Variants in WDR5B observed in about 807,000 individuals in gnomAD.
The protein encoded by WDR5B is WD repeat domain 5B.
WDR5B carries 17 observed loss-of-function variants against 24.0 expected under a neutral mutation model. The observed-to-expected ratio is 0.71, with a 90% CI of 0.49 to 1.06. WDR5B has a LOEUF of 1.06. Among genes scored for constraint, WDR5B ranks in the 50% least tolerant of loss-of-function variants. The pLI is 0.00. For synonymous variants in WDR5B, 150 were observed against 146.4 expected, an observed-to-expected ratio of 1.02 and a Z score of -0.18; for missense variants, 368 against 384.1, an observed-to-expected ratio of 0.96 and a Z score of 0.35.
rs768746667 is a variant in WDR5B, at chr3:122,415,478, TGAG to T, written c.48_50del (p.Ser18del). ...GCACTTCCTTGCTCTGATTGGCCGA[TGAG>T]GAGAGGGCCAACTGTGCTTTGGCGT... On this transcript the variant is annotated inframe_deletion, in exon 1 of 1. Coordinates refer to ENST00000330689, the MANE Select transcript of WDR5B (RefSeq NM_019069.4). 9 of 1,614,148 alleles carry T rather than the reference TGAG, an allele frequency of 5.6e-6. No homozygotes were observed. The highest frequency in any genetic ancestry group is 2.2e-5 in the South Asian group (2 of 91,078).
At position 122,415,290 on chromosome 3, in the gene WDR5B, TAG is replaced by T. The variant is rs2075728876; in HGVS notation, c.237_238del (p.Tyr80TrpfsTer3). ...ATCCGATATTTCCAAATTATGACCA[TAG>T]AGTGTTTTCTCATATTTTCCATCAT... On this transcript the variant is annotated frameshift_variant, in exon 1 of 1. Transcript: ENST00000330689. LOFTEE classifies it high-confidence loss of function. 1.5e-5 allele frequency: 25 copies of T among 1,614,246 alleles called. No homozygotes were observed. In the East Asian group the frequency reaches 5.6e-4, roughly 36 times the overall value.
chr3:122,414,918 G>GT lies in WDR5B; in HGVS notation c.610dup (p.Thr204AsnfsTer4). On this transcript the variant is annotated frameshift_variant, in exon 1 of 1. Coordinates refer to ENST00000330689, the MANE Select transcript of WDR5B (RefSeq NM_019069.4). LOFTEE classifies it high-confidence loss of function. ...AGGAGGGTTATCGTCATCAACGAGC[G>GT]TTTTTAAACACTGACCTGATGCAGC... 6.2e-7 allele frequency: 1 copy of GT among 1,614,148 alleles called. No individual in the cohort carries two copies. Among genetic ancestry groups the GT allele is most frequent in the Non-Finnish European group, 8.5e-7 (1 of 1,180,022 alleles).
At position 122,414,773 on chromosome 3, in the gene WDR5B, C is replaced by G. The variant is rs1284130646; in HGVS notation, c.756G>C (p.Lys252Asn). 3 of 1,614,170 alleles carry G rather than the reference C, an allele frequency of 1.9e-6. No homozygotes were observed. Among genetic ancestry groups the G allele is most frequent in the Non-Finnish European group, 1.7e-6 (2 of 1,180,040 alleles). The change falls in exon 1 of 1, where the codon AAG becomes AAC. Residue 252 changes from lysine to asparagine, a missense_variant. Coordinates refer to ENST00000330689, the MANE Select transcript of WDR5B (RefSeq NM_019069.4). Reference protein sequence around the residue: ...GRCLKTYTGHKNEKYCIFANF... With the variant: ...GRCLKTYTGHNNEKYCIFANF... Reference sequence around the variant, plus strand: ...TGGCAAATATGCAATATTTCTCATTCTTATGACCAGTGTATGTTTTCAGGC... The same window carrying G: ...TGGCAAATATGCAATATTTCTCATTGTTATGACCAGTGTATGTTTTCAGGC...
rs1473545023 is a variant in WDR5B at position 122,415,603 on chromosome 3, T to C, written c.-75A>G. 46 of 1,506,708 alleles carry C rather than the reference T, an allele frequency of 3.1e-5. 1 individual carries two copies. In the East Asian group the frequency reaches 1.0e-3, roughly 34 times the overall value. The allele number at this position is 1,506,708 out of a possible 1,614,324, so 93.3% of individuals were successfully genotyped here. On this transcript the variant is annotated 5_prime_UTR_variant, in exon 1 of 1. Coordinates refer to ENST00000330689, the MANE Select transcript of WDR5B (RefSeq NM_019069.4). ...CAGGCAGTCCAGTACTTTGGCTTTC[T>C]GCCCAGCAAAATGAAGATAAACGCA...
chr3:122,414,209 G>T lies in WDR5B; in HGVS notation c.*327C>A. ...CAAAGGTGGGAGTGGGGTGAGAGAT[G>T]GGAAAGTATTTACTAGGTACAATGT... On this transcript the variant is annotated 3_prime_UTR_variant, in exon 1 of 1. Transcript: ENST00000330689. 1 of 284,558 alleles carries T rather than the reference G, an allele frequency of 3.5e-6. No individual in the cohort carries two copies. The allele number at this position is 284,558 out of a possible 1,614,324, so 17.6% of individuals were successfully genotyped here.
chr3:122,414,170 G>C lies in WDR5B; in HGVS notation c.*366C>G, dbSNP rs2075719547. The C allele has an allele frequency of 4.7e-6, 1 of 213,602 alleles. No individual in the cohort carries two copies. Among genetic ancestry groups the C allele is most frequent in the Non-Finnish European group, 9.4e-6 (1 of 106,888 alleles). The allele number at this position is 213,602 out of a possible 1,614,324, so 13.2% of individuals were successfully genotyped here. A position where few individuals can be genotyped will look rare whatever the true frequency, so the allele number is the denominator to read the frequency against. ...CCTGGACGTGGAGAGCAGAATCATA[G>C]ACACTAGAGCCTTCAAAGGTGGGAG... On this transcript the variant is annotated 3_prime_UTR_variant, in exon 1 of 1. Transcript: ENST00000330689.
In WDR5B at chr3:122,414,913, C is replaced by A; in HGVS notation, c.616G>T (p.Val206Phe). ...AASGQCLKTLVDDDNPPVSFV... is the reference protein window; with the variant it reads ...AASGQCLKTLFDDDNPPVSFV... ...GAGACAGGAGGGTTATCGTCATCAA[C>A]GAGCGTTTTTAAACACTGACCTGAT... Residue 206 changes from valine (V) to phenylalanine (F), a missense_variant, in exon 1 of 1, where the codon GTT (valine) becomes TTT (phenylalanine). Val to Phe is a conservative substitution (Grantham distance 50). Transcript: ENST00000330689. 6.2e-7 allele frequency: 1 copy of A among 1,614,180 alleles called. No individual in the cohort carries two copies. Among genetic ancestry groups the A allele is most frequent in the East Asian group, 2.2e-5 (1 of 44,886 alleles).
In WDR5B at chr3:122,415,521, G is replaced by A. The variant is rs763919457; in HGVS notation, c.8C>T (p.Thr3Ile). The A allele has an allele frequency of 5.0e-6, 8 of 1,610,048 alleles. No homozygotes were observed. The South Asian group carries it at 7.7e-5, about 16-fold the overall frequency. Residue 3 changes from threonine to isoleucine, a missense_variant, in exon 1 of 1, where the codon ACC becomes ATC. Physicochemically the swap from Thr to Ile is moderately conservative, Grantham distance 89. Transcript: ENST00000330689. ...TGCTTTGGCGTCTCTTGACTCCTTGGTTGCCATGGCTCTGAAGCTCCAAGT... is the reference window on the plus strand; with the variant it reads ...TGCTTTGGCGTCTCTTGACTCCTTGATTGCCATGGCTCTGAAGCTCCAAGT... MA[T>I]KESRDAKAQL...
Position 122,414,981 on chromosome 3 carries a change from A to G in WDR5B, c.548T>C (p.Val183Ala). The change falls in exon 1 of 1, where the codon GTG becomes GCG. Residue 183 changes from valine to alanine, a missense_variant. Val to Ala is a moderately conservative substitution (Grantham distance 64). Coordinates refer to ENST00000330689, the MANE Select transcript of WDR5B (RefSeq NM_019069.4). ...ACAGAGGCCATCATAGCTACCTGAC[A>G]CTATCAAGGACCCACTACAATTAAA... ...VHFNCSGSLI[V>A]SGSYDGLCRI... 6.2e-7 allele frequency: 1 copy of G among 1,614,210 alleles called. No individual in the cohort carries two copies. The highest frequency in any genetic ancestry group is 8.5e-7 in the Non-Finnish European group (1 of 1,180,028).
rs1195098271 is a variant in WDR5B at position 122,412,849 on chromosome 3, C to T, written c.*1687G>A. The T allele has an allele frequency of 2.0e-5, 3 of 152,116 alleles. No individual in the cohort carries two copies. Among genetic ancestry groups the T allele is most frequent in the Admixed American group, 6.6e-5 (1 of 15,266 alleles). The allele number at this position is 152,116 out of a possible 1,614,324, so 9.4% of individuals were successfully genotyped here. On this transcript the variant is annotated 3_prime_UTR_variant, in exon 1 of 1. Coordinates refer to ENST00000330689, the MANE Select transcript of WDR5B (RefSeq NM_019069.4). ...ACTCTTAGAATGAACCTAACCTTGGCGTATTTTTCCGGTTTTTTTCTATGG... is the reference window on the plus strand; with the variant it reads ...ACTCTTAGAATGAACCTAACCTTGGTGTATTTTTCCGGTTTTTTTCTATGG...
At position 122,415,296 on chromosome 3, in the gene WDR5B, G is replaced by A; in HGVS notation, c.233C>T (p.Thr78Ile). The change falls in exon 1 of 1, where the codon ACA (threonine) becomes ATA (isoleucine). Residue 78 changes from threonine (T) to isoleucine (I), a missense_variant. Transcript: ENST00000330689. ...WGAYDGKYEKTLYGHNLEISD... is the reference protein window; with the variant it reads ...WGAYDGKYEKILYGHNLEISD... ...TATTTCCAAATTATGACCATAGAGT[G>A]TTTTCTCATATTTTCCATCATATGC... 6.2e-7 allele frequency: 1 copy of A among 1,614,184 alleles called. No individual in the cohort carries two copies. Among genetic ancestry groups the A allele is most frequent in the African/African-American group, 1.3e-5 (1 of 75,036 alleles).
In WDR5B at chr3:122,412,760, A is replaced by C. The variant is rs2075711557; in HGVS notation, c.*1776T>G. The C allele has an allele frequency of 6.6e-6, 1 of 152,228 alleles. No homozygotes were observed. The highest frequency in any genetic ancestry group is 6.5e-5 in the Admixed American group (1 of 15,286). 9.4% of individuals were successfully genotyped at this position (152,228 alleles called of 1,614,324 possible). On this transcript the variant is annotated 3_prime_UTR_variant, in exon 1 of 1. Coordinates refer to ENST00000330689, the MANE Select transcript of WDR5B (RefSeq NM_019069.4). ...CTGAAAATCACAAGCACAATCTAAA[A>C]AGGTAGTGAAAGGTCCTTGAGAAAC...
chr3:122,413,109 ACT>A lies in WDR5B; in HGVS notation c.*1425_*1426del, dbSNP rs2075713015. 1 of 152,264 alleles carries A rather than the reference ACT, an allele frequency of 6.6e-6. No individual in the cohort carries two copies. Among genetic ancestry groups the A allele is most frequent in the Non-Finnish European group, 1.5e-5 (1 of 68,048 alleles). 9.4% of individuals were successfully genotyped at this position (152,264 alleles called of 1,614,324 possible). On this transcript the variant is annotated 3_prime_UTR_variant, in exon 1 of 1. Coordinates refer to ENST00000330689, the MANE Select transcript of WDR5B (RefSeq NM_019069.4). ...AATACACTGATCCTCTAGGATAGTC[ACT>A]GAGAGGAATGAGAAATTGTCCAGTG...
In WDR5B at chr3:122,414,950, G is replaced by T. The variant is rs773561464; in HGVS notation, c.579C>A (p.Ile193=). The T allele has an allele frequency of 1.2e-5, 19 of 1,614,088 alleles. No individual in the cohort carries two copies. Among genetic ancestry groups the T allele is most frequent in the Non-Finnish European group, 1.6e-5 (19 of 1,180,044 alleles). The change falls in exon 1 of 1, where the codon ATC becomes ATA. Residue 193 remains isoleucine, a synonymous_variant. Transcript: ENST00000330689. ...AACACTGACCTGATGCAGCATCCCA[G>T]ATTCTACAGAGGCCATCATAGCTAC... ...VSGSYDGLCR[I]WDAASGQCLK...
rs763264615 is a variant in WDR5B, at chr3:122,414,669, T to C, written c.860A>G (p.Lys287Arg). The change falls in exon 1 of 1, where the codon AAA becomes AGA. Residue 287 changes from lysine to arginine, a missense_variant. By Grantham distance (26) the Lys-to-Arg change is conservative (BLOSUM62 2). Coordinates refer to ENST00000330689, the MANE Select transcript of WDR5B (RefSeq NM_019069.4). ...GCCTTGTAATTTCTGCACAATCTCT[T>C]TAGTCTGAAGGTTCCAAATGTAAAC... Reference protein sequence around the residue: ...NLVYIWNLQTKEIVQKLQGHT... With the variant: ...NLVYIWNLQTREIVQKLQGHT... 1.2e-6 allele frequency: 2 copies of C among 1,614,182 alleles called. No individual in the cohort carries two copies. Among genetic ancestry groups the C allele is most frequent in the South Asian group, 2.2e-5 (2 of 91,080 alleles).
Position 122,415,474 on chromosome 3 carries a change from C to T in WDR5B, c.55G>A (p.Ala19Thr). The T allele has an allele frequency of 1.2e-6, 2 of 1,614,080 alleles. No homozygotes were observed. The highest frequency in any genetic ancestry group is 2.2e-5 in the South Asian group (2 of 91,060). ...AKAQLALSSSANQSKEVPENP... is the reference protein window; with the variant it reads ...AKAQLALSSSTNQSKEVPENP... ...TCAGGCACTTCCTTGCTCTGATTGG[C>T]CGATGAGGAGAGGGCCAACTGTGCT... is the stretch of plus-strand genomic sequence containing the variant. Residue 19 changes from alanine to threonine, a missense_variant, in exon 1 of 1, where the codon GCC becomes ACC. Physicochemically the swap from Ala to Thr is moderately conservative, Grantham distance 58. Coordinates refer to ENST00000330689, the MANE Select transcript of WDR5B (RefSeq NM_019069.4).
At position 122,415,624 on chromosome 3, in the gene WDR5B, A is replaced by C. The variant is rs1208777298; in HGVS notation, c.-96T>G. 4 of 1,442,510 alleles carry C rather than the reference A, an allele frequency of 2.8e-6. No homozygotes were observed. Among genetic ancestry groups the C allele is most frequent in the Non-Finnish European group, 2.8e-6 (3 of 1,070,876 alleles). 89.4% of individuals were successfully genotyped at this position (1,442,510 alleles called of 1,614,324 possible). On this transcript the variant is annotated 5_prime_UTR_variant, in exon 1 of 1. Coordinates refer to ENST00000330689, the MANE Select transcript of WDR5B (RefSeq NM_019069.4). ...TTTCTGCCCAGCAAAATGAAGATAA[A>C]CGCACAGGATTTTAAAATGTACAGT...
chr3:122,414,449 C>G lies in WDR5B; in HGVS notation c.*87G>C, dbSNP rs1357607036. On this transcript the variant is annotated 3_prime_UTR_variant, in exon 1 of 1. Transcript: ENST00000330689. ...TTAACAATAGACAATTTTTAAAATA[C>G]CAAACTGCCAAAATTAAAAGAAACC... The G allele has an allele frequency of 1.4e-6, 2 of 1,468,770 alleles. No homozygotes were observed. Among genetic ancestry groups the G allele is most frequent in the Non-Finnish European group, 1.8e-6 (2 of 1,105,412 alleles). 91.0% of individuals were successfully genotyped at this position (1,468,770 alleles called of 1,614,324 possible).
chr3:122,415,523 T>C lies in WDR5B; in HGVS notation c.6A>G (p.Ala2=), dbSNP rs761594167. M[A]TKESRDAKAQ... ...CTTTGGCGTCTCTTGACTCCTTGGT[T>C]GCCATGGCTCTGAAGCTCCAAGTTA... Residue 2 remains alanine, a synonymous_variant, in exon 1 of 1, where the codon GCA becomes GCG. Coordinates refer to ENST00000330689, the MANE Select transcript of WDR5B (RefSeq NM_019069.4). 2 of 1,609,730 alleles carry C rather than the reference T, an allele frequency of 1.2e-6. No individual in the cohort carries two copies. The highest frequency in any genetic ancestry group is 4.5e-5 in the East Asian group (2 of 44,860).
Sources: allele counts gnomAD v4.1 joint callset, GRCh38; gene constraint gnomAD v4.1.1; transcripts MANE v1.5; gene names NCBI Gene and HGNC (gene_info 2026-07-23, HGNC 2026-07-21).